Variants in FNBP1L observed in about 807,000 individuals in gnomAD.
FNBP1L encodes the protein formin binding protein 1 like.
A neutral mutation model predicts 91.2 loss-of-function variants in FNBP1L; 36 were observed. That is an observed-to-expected ratio of 0.39 (90% CI 0.30 to 0.52). FNBP1L has a LOEUF of 0.52. Among genes scored for constraint, FNBP1L ranks in the 20% least tolerant of loss-of-function variants. The pLI, the probability that FNBP1L is intolerant of heterozygous loss-of-function variation, is 0.66. For synonymous variants in FNBP1L, 242 were observed against 237.0 expected (o/e 1.02, Z -0.19); for missense variants, 571 against 732.1 (o/e 0.78, Z 2.54).
chr1:93,523,642 C>G (rs1056183848), intron 4 of FNBP1L, among the ~76,000 whole-genome samples, 151 bp downstream of exon 4: 18 of 152,178 alleles, frequency 1.2e-4, no homozygotes, highest in African/African-American at 3.9e-4. Context: ...AATACTCTTG[C>G]TAATTTATGA....
At chr1:93,519,461 C>T (rs563682541) in intron 2 of FNBP1L, among the ~76,000 whole-genome samples, 4 of 152,274 alleles carry the variant, frequency 2.6e-5, no homozygotes, top group South Asian at 2.1e-4. Flanking sequence ...CTTTTTACCC[C>T]TGGGGAACCC....
intron 1 of FNBP1L, among the ~76,000 whole-genome samples, chr1:93,456,659 A>G (rs1668675393): frequency 6.7e-6 from 1 of 149,092 alleles, no homozygotes; most frequent in Non-Finnish European, 1.5e-5. Flanking sequence ...GGGCACCTGT[A>G]GTCCCAGCTA....
chr1:93,526,656 G>A (rs1301553676), intron 5 of FNBP1L, among the ~76,000 whole-genome samples: 1 of 152,158 alleles, frequency 6.6e-6, no homozygotes, highest in Non-Finnish European at 1.5e-5. Flanking sequence ...TGCTAAGCAA[G>A]AGTAGGGGAG....
chr1:93,503,879 G>T lies in FNBP1L; in HGVS notation c.140+4296G>T, dbSNP rs190572490. Among the ~76,000 whole-genome samples the T allele has an allele frequency of 8.5e-4, 129 of 152,222 alleles. 2 individuals are homozygous for T. The highest frequency in any genetic ancestry group is 7.6e-3 in the Admixed American group (116 of 15,274). On this transcript the variant is annotated intron_variant, in intron 2 of 16. Coordinates refer to ENST00000271234, the MANE Select transcript of FNBP1L (RefSeq NM_001164473.3). ...TTAGTTTTTTCTAGTAAAAGTAATT[G>T]TATTAAGTTCTATCATAGAGATAGT...
At chr1:93,549,516 G>A (rs915807319) in intron 15 of FNBP1L, 90 bp downstream of exon 15, 1 of 1,000,784 alleles carries the variant, frequency 1.0e-6, no homozygotes, top group Non-Finnish European at 1.4e-6. Flanking sequence ...CCTTATTTAA[G>A]TAATATATGT....
At chr1:93,532,828 A>C (rs1671727466) in intron 7 of FNBP1L, 94 bp from the exon 8 acceptor site, 6 of 907,220 alleles carry the variant, frequency 6.6e-6, no homozygotes, top group Non-Finnish European at 9.7e-6. Flanking sequence ...GAGGGTAGAA[A>C]TATTTAATTT....
At chr1:93,541,800 CT>C (rs1672054851) in intron 11 of FNBP1L, among the ~76,000 whole-genome samples, 1 of 152,126 alleles carries the variant, frequency 6.6e-6, no homozygotes, top group African/African-American at 2.4e-5. Flanking sequence ...CAGAGGTCTT[CT>C]GAACATCCAT....
At chr1:93,502,216 T>C (rs2101727539) in intron 2 of FNBP1L, among the ~76,000 whole-genome samples, 1 of 152,318 alleles carries the variant, frequency 6.6e-6, no homozygotes, top group East Asian at 1.9e-4. Flanking sequence ...TATGTTACAA[T>C]GATTACCGTT....
intron 2 of FNBP1L, among the ~76,000 whole-genome samples, chr1:93,517,413 A>G (rs974296908): frequency 2.6e-5 from 4 of 151,982 alleles, no homozygotes; most frequent in African/African-American, 9.7e-5. Context: ...TGCATCCTCG[A>G]ACTCCTGGCC....
At chr1:93,515,944 A>G (rs1280721600) in intron 2 of FNBP1L, among the ~76,000 whole-genome samples, 2 of 152,184 alleles carry the variant, frequency 1.3e-5, no homozygotes, top group Admixed American at 6.5e-5. Flanking sequence ...TTTAAAAATT[A>G]CCATAATAAT....
intron 5 of FNBP1L, among the ~76,000 whole-genome samples, chr1:93,527,864 A>T (rs1671542968): frequency 6.6e-6 from 1 of 152,154 alleles, no homozygotes; most frequent in Non-Finnish European, 1.5e-5. Flanking sequence ...AACAAGGAAA[A>T]TACTTACAGC....
intron 3 of FNBP1L, among the ~76,000 whole-genome samples, chr1:93,522,507 G>T (rs943833801): frequency 3.3e-5 from 5 of 152,100 alleles, no homozygotes. Flanking sequence ...TGGTATAAAG[G>T]GATGTTGAAA....
intron 1 of FNBP1L, among the ~76,000 whole-genome samples, chr1:93,480,103 C>T (rs908433978): frequency 4.6e-5 from 7 of 152,124 alleles, no homozygotes; most frequent in Non-Finnish European, 8.8e-5. Flanking sequence ...GTTCCTCTGC[C>T]GCGGCTTCAG....
At chr1:93,540,617 A>G (rs72721032) in intron 10 of FNBP1L, among the ~76,000 whole-genome samples, 52 of 152,250 alleles carry the variant, frequency 3.4e-4, no homozygotes, top group Non-Finnish European at 6.8e-4. Context: ...CACTGGAAAG[A>G]ACATTCTATT....
chr1:93,550,338 T>G (rs886389841), intron 15 of FNBP1L, among the ~76,000 whole-genome samples: 1 of 152,058 alleles, frequency 6.6e-6, no homozygotes. Flanking sequence ...GAAAACAAAC[T>G]TGCTATAATG....
chr1:93,535,005 ATAAATATTT>A lies in FNBP1L; in HGVS notation c.990+99_990+107del, dbSNP rs748083464. The A allele has an allele frequency of 8.9e-4, 832 of 936,502 alleles. 1 individual carries two copies. Among genetic ancestry groups the A allele is most frequent in the Non-Finnish European group, 6.4e-4 (400 of 627,974 alleles). 58.0% of individuals were successfully genotyped at this position (936,502 alleles called of 1,614,324 possible). A position where few individuals can be genotyped will look rare whatever the true frequency, so the allele number is the denominator to read the frequency against. The stretch of plus-strand genomic sequence containing the variant: ...CAAAATGATTTACCATTAATGGAGA[ATAAATATTT>A]TCAATTTGAATGATTCAGTTAACCT... On this transcript the variant is annotated intron_variant, in intron 9 of 16. Coordinates refer to ENST00000271234, the MANE Select transcript of FNBP1L (RefSeq NM_001164473.3).
chr1:93,516,382 T>G (rs1206274344), intron 2 of FNBP1L, among the ~76,000 whole-genome samples: 1 of 152,200 alleles, frequency 6.6e-6, no homozygotes, highest in Non-Finnish European at 1.5e-5. Flanking sequence ...CTTGTCCACT[T>G]ACGGTGACTC....
At chr1:93,477,503 A>G (rs1669539072) in intron 1 of FNBP1L, among the ~76,000 whole-genome samples, 2 of 152,350 alleles carry the variant, frequency 1.3e-5, no homozygotes, top group South Asian at 2.1e-4. Context: ...TAGCTTGTAT[A>G]TGTTCATTCT....
chr1:93,499,680 T>C (rs1670381464), intron 2 of FNBP1L, 97 bp downstream of exon 2: 2 of 730,254 alleles, frequency 2.7e-6, no homozygotes, highest in Admixed American at 3.1e-5. Flanking sequence ...AATTCTATGT[T>C]TTTCATCAGA....
Sources: gnomAD v4.1 joint callset for allele counts (sites outside exome capture counted in the v4.1 genomes callset) on GRCh38, gnomAD v4.1.1 for gene constraint, MANE v1.5 for transcripts, NCBI Gene and HGNC (gene_info 2026-07-23, HGNC 2026-07-21) for gene names.